Variants in PI15 observed in about 807,000 individuals in gnomAD.
The protein encoded by PI15 is peptidase inhibitor 15.
PI15 carries 18 observed loss-of-function variants against 31.0 expected under a neutral mutation model. That is an observed-to-expected ratio of 0.58 (90% CI 0.40 to 0.86). The LOEUF is 0.86. Ranked by LOEUF, PI15 falls within the 40% of genes least tolerant of loss-of-function variation. The pLI, the probability that PI15 is intolerant of heterozygous loss-of-function variation, is 0.00. For missense variants in PI15, 282 were observed against 328.1 expected (o/e 0.86, Z 1.09); for synonymous variants, 118 against 119.1 (o/e 0.99, Z 0.06).
At chr8:74,844,421 C>T (rs2128765851) in intron 3 of PI15, among the ~76,000 whole-genome samples, 1 of 134,596 alleles carries the variant, frequency 7.4e-6, no homozygotes, top group African/African-American at 2.9e-5. Context: ...CATGACTGTG[C>T]AGAGGCTGTG....
intron 2 of PI15, among the ~76,000 whole-genome samples, chr8:74,829,735 G>A (rs758071680): frequency 4.6e-5 from 7 of 152,060 alleles, no homozygotes; most frequent in Non-Finnish European, 8.8e-5. Flanking sequence ...TGTAATAAAA[G>A]AGGTACAGAA....
At chr8:74,826,021 C>T (rs935654726) in intron 2 of PI15, among the ~76,000 whole-genome samples, 5 of 152,020 alleles carry the variant, frequency 3.3e-5, no homozygotes, top group African/African-American at 9.7e-5. Flanking sequence ...TTCTTACTGA[C>T]GCTAACCTAT....
At position 74,852,248 on chromosome 8, in the gene PI15, C is replaced by G. The variant is rs971721247; in HGVS notation, c.*2995C>G. On this transcript the variant is annotated 3_prime_UTR_variant, in exon 6 of 6. Coordinates refer to ENST00000260113, the MANE Select transcript of PI15 (RefSeq NM_015886.5). ...CTGTGGTGTTAATTTTTTTATATGA[C>G]CAGTAGAAAAATTTTAATATTCTCA... is the stretch of plus-strand genomic sequence containing the variant. 6.6e-6 allele frequency: 1 copy of G among 151,764 alleles called. No individual in the cohort carries two copies. Among genetic ancestry groups the G allele is most frequent in the Admixed American group, 6.6e-5 (1 of 15,220 alleles). The allele number at this position is 151,764 out of a possible 1,614,324, so 9.4% of individuals were successfully genotyped here.
At chr8:74,843,317 A>G (rs1159577225) in intron 2 of PI15, among the ~76,000 whole-genome samples, 1 of 152,216 alleles carries the variant, frequency 6.6e-6, no homozygotes. Context: ...GATCTAGATG[A>G]CACTGAAAAG....
In PI15 at chr8:74,853,090, A is replaced by G. The variant is rs1378567652; in HGVS notation, c.*3837A>G. 6.6e-6 allele frequency: 1 copy of G among 152,584 alleles called. No individual in the cohort carries two copies. The highest frequency in any genetic ancestry group is 1.5e-5 in the Non-Finnish European group (1 of 67,972). 9.5% of individuals were successfully genotyped at this position (152,584 alleles called of 1,614,324 possible). On this transcript the variant is annotated 3_prime_UTR_variant, in exon 6 of 6. Transcript: ENST00000260113. Reference sequence around the variant, plus strand: ...ATTTTTTAAATTATGTTATTGTTTAAATTTGACTTATGGGAGATCAGTCAA... The same window carrying G: ...ATTTTTTAAATTATGTTATTGTTTAGATTTGACTTATGGGAGATCAGTCAA...
chr8:74,847,208 G>A lies in PI15; in HGVS notation c.641+1711G>A, dbSNP rs146444573. On this transcript the variant is annotated intron_variant, in intron 5 of 5. Transcript: ENST00000260113. ...CTCCTGTAATCCCAGCACTTTGGGA[G>A]GCTGAGGCGGGTGGATCACCTGAGG... 2.5e-4 allele frequency among the ~76,000 whole-genome samples: 38 copies of A among 152,262 alleles called. 1 individual carries two copies. In the East Asian group the frequency reaches 7.2e-3, roughly 29 times the overall value.
At chr8:74,849,079 G>A (rs753416574) in intron 5 of PI15, 39 bp from the exon 6 acceptor site, 6 of 1,588,554 alleles carry the variant, frequency 3.8e-6, no homozygotes, top group Non-Finnish European at 4.3e-6. Flanking sequence ...AAAAATGGGT[G>A]GGTTGCACTA....
chr8:74,835,467 G>A (rs1810849077), intron 2 of PI15, among the ~76,000 whole-genome samples: 1 of 152,134 alleles, frequency 6.6e-6, no homozygotes, highest in Non-Finnish European at 1.5e-5. Flanking sequence ...CATGGTTCAG[G>A]ATTCCAAACC....
intron 2 of PI15, among the ~76,000 whole-genome samples, chr8:74,828,484 G>A (rs563103656): frequency 1.6e-4 from 24 of 152,254 alleles, no homozygotes; most frequent in African/African-American, 5.5e-4. Flanking sequence ...TAGGTGGCTT[G>A]GAGATTGAAG....
At chr8:74,828,641 A>T (rs950752729) in intron 2 of PI15, among the ~76,000 whole-genome samples, 1 of 152,084 alleles carries the variant, frequency 6.6e-6, no homozygotes, top group Admixed American at 6.6e-5. Context: ...TGTTCTATGT[A>T]CCTCAGAAAC....
In PI15 at chr8:74,849,226, G is replaced by A. The variant is rs373126603; in HGVS notation, c.750G>A (p.Thr250=). 50 of 1,612,650 alleles carry A rather than the reference G, an allele frequency of 3.1e-5. No individual in the cohort carries two copies. The highest frequency in any genetic ancestry group is 8.0e-5 in the African/African-American group (6 of 74,824). The change falls in exon 6 of 6, where the codon ACG becomes ACA. Residue 250 remains threonine, a synonymous_variant. Transcript: ENST00000260113. ...CTDNLCFPGV[T]SNYLYWFK is the part of the protein sequence containing the mutation. ...ACAATCTGTGTTTTCCAGGAGTTAC[G>A]TCAAACTACCTGTACTGGTTTAAAT...
Position 74,844,058 on chromosome 8 carries a change from A to T in PI15, c.351A>T (p.Leu117Phe), listed in dbSNP as rs773016959. 1 of 1,602,086 alleles carries T rather than the reference A, an allele frequency of 6.2e-7. No homozygotes were observed. The highest frequency in any genetic ancestry group is 1.7e-5 in the Admixed American group (1 of 59,986). ...TCIWDHGPSY[L>F]LRFLGQNLSV... Reference sequence around the variant, plus strand: ...TTTGGGACCATGGACCTTCTTACTTACTGAGATTTTTGGGCCAAAATCTAT... The same window carrying T: ...TTTGGGACCATGGACCTTCTTACTTTCTGAGATTTTTGGGCCAAAATCTAT... The change falls in exon 3 of 6, where the codon TTA (leucine) becomes TTT (phenylalanine). Residue 117 changes from leucine to phenylalanine, a missense_variant. Physicochemically the swap from Leu to Phe is conservative, Grantham distance 22 (BLOSUM62 0). Coordinates refer to ENST00000260113, the MANE Select transcript of PI15 (RefSeq NM_015886.5).
chr8:74,837,326 A>C (rs1274087800), intron 2 of PI15, among the ~76,000 whole-genome samples: 1 of 152,030 alleles, frequency 6.6e-6, no homozygotes, highest in African/African-American at 2.4e-5. Flanking sequence ...CACCACTCTC[A>C]AATTCTCCTA....
intron 5 of PI15, among the ~76,000 whole-genome samples, chr8:74,848,757 G>A (rs575285507): frequency 8.2e-5 from 11 of 134,250 alleles, no homozygotes; most frequent in Admixed American, 1.5e-4. Context: ...AGAGAGAGAC[G>A]GAGTCTCGCT....
In PI15 at chr8:74,825,233, C is replaced by T. The variant is rs1402639958; in HGVS notation, c.-17C>T. The stretch of plus-strand genomic sequence containing the variant: ...AGCAAAGTAAACTCGGTGGCCTCTT[C>T]TTCTCCACCCCTCAAAATGATAGCA... On this transcript the variant is annotated 5_prime_UTR_variant, in exon 2 of 6. Transcript: ENST00000260113. 5 of 1,610,346 alleles carry T rather than the reference C, an allele frequency of 3.1e-6. No homozygotes were observed. The highest frequency in any genetic ancestry group is 3.4e-6 in the Non-Finnish European group (4 of 1,177,404).
At chr8:74,831,507 G>A (rs1810780707) in intron 2 of PI15, among the ~76,000 whole-genome samples, 1 of 152,140 alleles carries the variant, frequency 6.6e-6, no homozygotes, top group Non-Finnish European at 1.5e-5. Flanking sequence ...GGGGGCAAGA[G>A]TTGTACAATG....
chr8:74,844,087 T>C lies in PI15; in HGVS notation c.380T>C (p.Val127Ala), dbSNP rs1810985886. Residue 127 changes from valine (V) to alanine (A), a missense_variant, in exon 3 of 6, where the codon GTA (valine) becomes GCA (alanine). Physicochemically the swap from Val to Ala is moderately conservative, Grantham distance 64 (BLOSUM62 0). Coordinates refer to ENST00000260113, the MANE Select transcript of PI15 (RefSeq NM_015886.5). ...AGATTTTTGGGCCAAAATCTATCTG[T>C]ACGCACTGGAAGGTAGGAAGTAATT... ...LLRFLGQNLS[V>A]RTGRYRSILQ... The C allele has an allele frequency of 6.9e-7, 1 of 1,451,378 alleles. No individual in the cohort carries two copies. Among genetic ancestry groups the C allele is most frequent in the Admixed American group, 1.7e-5 (1 of 59,790 alleles). 89.9% of individuals were successfully genotyped at this position (1,451,378 alleles called of 1,614,324 possible). A position where few individuals can be genotyped will look rare whatever the true frequency, so the allele number is the denominator to read the frequency against.
intron 5 of PI15, chr8:74,845,743 C>T (rs1469838229): frequency 1.3e-5 from 6 of 465,916 alleles, no homozygotes; most frequent in Non-Finnish European, 2.3e-5. Flanking sequence ...CTAAATTCTC[C>T]TTACCATATG....
chr8:74,843,729 T>C (rs990055518), intron 2 of PI15, among the ~76,000 whole-genome samples: 3 of 151,970 alleles, frequency 2.0e-5, no homozygotes, highest in African/African-American at 7.3e-5. Context: ...CTGGGCATGG[T>C]GATGTGCGCC....
Sources: gnomAD v4.1 joint callset for allele counts (sites outside exome capture counted in the v4.1 genomes callset) on GRCh38, gnomAD v4.1.1 for gene constraint, MANE v1.5 for transcripts, NCBI Gene and HGNC (gene_info 2026-07-23, HGNC 2026-07-21) for gene names.